The following HLA-DRB5 variants were observed in gnomAD, a reference collection of about 807,000 sequenced individuals.
HLA-DRB5 encodes DR beta-5.
HLA-DRB5 carries 11 observed loss-of-function variants against 22.4 expected under a neutral mutation model. That is an observed-to-expected ratio of 0.49 (90% confidence interval 0.31 to 0.81). The LOEUF (loss-of-function observed/expected upper bound fraction) is 0.81, where lower values mean the gene tolerates loss of function less well. HLA-DRB5 is among the 40% of genes least tolerant of loss of function. HLA-DRB5 has a pLI of 0.05. For synonymous variants in HLA-DRB5, 57 were observed against 106.0 expected (o/e 0.54, Z 2.84); for missense variants, 106 against 274.4 (o/e 0.39, Z 4.34).
In HLA-DRB5 at chr6:32,528,141, T is replaced by C. The variant is rs1308578451; in HGVS notation, c.100+1984A>G. ...CCTTAGATCTTCACGACTGTCTACT[T>C]ATTTTGTTTTCTCAGCTGGATGTCA... On this transcript the variant is annotated intron_variant, in intron 1 of 5. Coordinates refer to ENST00000374975, the MANE Select transcript of HLA-DRB5 (RefSeq NM_002125.4). 4.5e-5 allele frequency among the ~76,000 whole-genome samples: 4 copies of C among 88,864 alleles called. No individual in the cohort carries two copies. In the Admixed American group the frequency reaches 4.9e-4, roughly 11 times the overall value. 58.3% of individuals were successfully genotyped at this position (88,864 alleles called of 152,430 possible). A position where few individuals can be genotyped will look rare whatever the true frequency, so the allele number is the denominator to read the frequency against.
At chr6:32,529,313 T>C (rs368127976) in intron 1 of HLA-DRB5, among the ~76,000 whole-genome samples, 17,186 of 46,722 alleles carry the variant, frequency 0.37, 5,220 homozygotes, top group Middle Eastern at 0.56. Flanking sequence ...ATTTGTCCTA[T>C]GTTAGTTGAA....
Position 32,521,764 on chromosome 6 carries a change from G to A in HLA-DRB5, c.370+141C>T. ...GCTCAAGATTGAGAGGATTCTAAAT[G>A]CTCACAGATGGCGCGCTCCCTCTCT... is the stretch of plus-strand genomic sequence containing the variant. On this transcript the variant is annotated intron_variant, in intron 2 of 5. Coordinates refer to ENST00000374975, the MANE Select transcript of HLA-DRB5 (RefSeq NM_002125.4). 9.0e-6 allele frequency: 4 copies of A among 443,612 alleles called. 2 individuals carry two copies. The highest frequency in any genetic ancestry group is 1.5e-5 in the Non-Finnish European group (4 of 267,814). The allele number at this position is 443,612 out of a possible 1,614,324, so 27.5% of individuals were successfully genotyped here. A position where few individuals can be genotyped will look rare whatever the true frequency, so the allele number is the denominator to read the frequency against.
chr6:32,520,301 G>A (rs149165901), intron 2 of HLA-DRB5, among the ~76,000 whole-genome samples: 14,911 of 36,330 alleles, frequency 0.41, 5,323 homozygotes, highest in Middle Eastern at 0.63. Flanking sequence ...TACAAAAGGA[G>A]ACTGAGTATG....
intron 2 of HLA-DRB5, among the ~76,000 whole-genome samples, chr6:32,520,945 A>T (rs150773158): frequency 0.17 from 6,202 of 36,792 alleles, 641 homozygotes; most frequent in Non-Finnish European, 0.2. Flanking sequence ...AGATAACAGA[A>T]AATAGATCAT....
At chr6:32,527,163 C>A (rs868201892) in intron 1 of HLA-DRB5, among the ~76,000 whole-genome samples, 3 of 126,288 alleles carry the variant, frequency 2.4e-5, no homozygotes, top group Non-Finnish European at 3.3e-5. Flanking sequence ...CACTTGTCAA[C>A]CCCAACAATC....
At chr6:32,519,295 A>C in intron 3 of HLA-DRB5, 75 bp downstream of exon 3, 1 of 751,806 alleles carries the variant, frequency 1.3e-6, no homozygotes, top group South Asian at 2.0e-5. Flanking sequence ...GGGAGATGAG[A>C]AACCTGACAC....
At chr6:32,523,330 G>A (rs76939305) in intron 1 of HLA-DRB5, among the ~76,000 whole-genome samples, 3,010 of 30,054 alleles carry the variant, frequency 0.1, 1,093 homozygotes, top group East Asian at 0.17. Flanking sequence ...TTCAATACAT[G>A]TAAACATACA....
intron 3 of HLA-DRB5, 143 bp downstream of exon 3, chr6:32,519,227 A>AT (rs1562424190): frequency 4.9e-6 from 2 of 404,184 alleles, no homozygotes; most frequent in Non-Finnish European, 8.3e-6. Context: ...ATACAGGGCT[A>AT]CCCCCAGTGA....
chr6:32,528,124 C>T (rs1198938752), intron 1 of HLA-DRB5, among the ~76,000 whole-genome samples: 25 of 78,414 alleles, frequency 3.2e-4, no homozygotes, highest in South Asian at 8.3e-4. Flanking sequence ...TCCCTTAGAT[C>T]TTCACGACTG....
In HLA-DRB5 at chr6:32,522,300, C is replaced by A. The variant is rs1769040365; in HGVS notation, c.101-126G>T. The A allele has an allele frequency of 8.1e-6, 2 of 247,120 alleles. 1 individual carries two copies. The highest frequency in any genetic ancestry group is 1.2e-4 in the African/African-American group (2 of 16,756). The allele number at this position is 247,120 out of a possible 1,614,324, so 15.3% of individuals were successfully genotyped here. On this transcript the variant is annotated intron_variant, in intron 1 of 5. Transcript: ENST00000374975. ...GAACCTTAACTGATCCCAACCATAACCCCGACCACGCGCAGCCCAGAGGCT... is the reference window on the plus strand; with the variant it reads ...GAACCTTAACTGATCCCAACCATAAACCCGACCACGCGCAGCCCAGAGGCT...
rs138925158 is a variant in HLA-DRB5, at chr6:32,525,337, C to A, written c.101-3163G>T. ...AGTGTGAAATTTAATAAAGAGTCTT[C>A]TTAGCAGTGATCACATAATAAACAC... On this transcript the variant is annotated intron_variant, in intron 1 of 5. Transcript: ENST00000374975. Among the ~76,000 whole-genome samples the A allele has an allele frequency of 4.8e-4, 18 of 37,236 alleles. 3 individuals are homozygous for A. Among genetic ancestry groups the A allele is most frequent in the East Asian group, 1.4e-3 (2 of 1,404 alleles). 24.4% of individuals were successfully genotyped at this position (37,236 alleles called of 152,430 possible).
chr6:32,528,905 T>TGA (rs1184727108), intron 1 of HLA-DRB5, among the ~76,000 whole-genome samples: 10,508 of 55,220 alleles, frequency 0.19, 2,530 homozygotes, highest in Middle Eastern at 0.25. Flanking sequence ...ATCGGACCAC[T>TGA]GCATTACAGC....
Position 32,522,431 on chromosome 6 carries a change from T to C in HLA-DRB5, c.101-257A>G, listed in dbSNP as rs1319165831. On this transcript the variant is annotated intron_variant, in intron 1 of 5. Transcript: ENST00000374975. ...CCCCCTCCCCGCCTCCAGCCTATTC[T>C]GGAGACCTCCAAGCAGGAGCTGGAG... is the stretch of plus-strand genomic sequence containing the variant. Among the ~76,000 whole-genome samples, 3 of 44,574 alleles carry C rather than the reference T, an allele frequency of 6.7e-5. 1 individual carries two copies. Among genetic ancestry groups the C allele is most frequent in the Non-Finnish European group, 1.5e-4 (3 of 20,544 alleles). 29.2% of individuals were successfully genotyped at this position (44,574 alleles called of 152,430 possible).
chr6:32,521,733 G>C (rs146892544), intron 2 of HLA-DRB5, among the ~76,000 whole-genome samples, 172 bp downstream of exon 2: 1,095 of 11,064 alleles, frequency 0.099, 484 homozygotes, highest in Middle Eastern at 0.29. Flanking sequence ...GTCCTCAGAA[G>C]TCCTTGCTCA....
chr6:32,522,700 G>C (rs1391067180), intron 1 of HLA-DRB5, among the ~76,000 whole-genome samples: 1 of 67,126 alleles, frequency 1.5e-5, no homozygotes, highest in Admixed American at 1.6e-4. Context: ...TAAAAGTGAG[G>C]CCAAAAACCA....
chr6:32,526,093 G>C (rs545569357), intron 1 of HLA-DRB5, among the ~76,000 whole-genome samples: 4,970 of 94,538 alleles, frequency 0.053, 379 homozygotes, highest in Middle Eastern at 0.18. Context: ...CTTCCCTGAA[G>C]CTCGCTACTC....
chr6:32,524,478 C>A (rs1411500863), intron 1 of HLA-DRB5, among the ~76,000 whole-genome samples: 1 of 102,382 alleles, frequency 9.8e-6, no homozygotes, highest in African/African-American at 3.5e-5. Flanking sequence ...CCAGCCTTGG[C>A]CAGAGATAGA....
At chr6:32,521,279 T>C (rs115196414) in intron 2 of HLA-DRB5, among the ~76,000 whole-genome samples, 1,255 of 48,238 alleles carry the variant, frequency 0.026, no homozygotes, top group Admixed American at 0.036. Flanking sequence ...TGTAAAAATA[T>C]ACACACTAAG....
intron 1 of HLA-DRB5, among the ~76,000 whole-genome samples, chr6:32,523,882 T>A (rs112103673): frequency 0.7 from 55,922 of 79,676 alleles, 23,501 homozygotes; most frequent in Middle Eastern, 0.82. Flanking sequence ...GACATTTTGG[T>A]CCAGATAATT....
Sources: allele counts gnomAD v4.1 joint callset (sites outside exome capture counted in the v4.1 genomes callset), GRCh38; gene constraint gnomAD v4.1.1; transcripts MANE v1.5; gene names NCBI Gene and HGNC (gene_info 2026-07-23, HGNC 2026-07-21).